The following RNF14 variants were observed in gnomAD, a reference collection of about 807,000 sequenced individuals.
RNF14 encodes the protein ring finger protein 14, also known as E3 ubiquitin-protein ligase RNF14.
Under a neutral mutation model 52.6 loss-of-function variants are expected in RNF14, and 26 were observed. That is an observed-to-expected ratio of 0.49 (90% confidence interval 0.36 to 0.69). The LOEUF (loss-of-function observed/expected upper bound fraction) is 0.69. RNF14 is among the 30% of genes least tolerant of loss of function. The pLI is 0.00. For missense variants in RNF14, 404 were observed against 560.4 expected, an observed-to-expected ratio of 0.72 and a Z score of 2.82; for synonymous variants, 194 against 202.0, an observed-to-expected ratio of 0.96 and a Z score of 0.34.
upstream of RNF14, chr5:141,957,491 C>G: frequency 6.2e-7 from 1 of 1,613,748 alleles, no homozygotes; most frequent in Non-Finnish European, 8.5e-7. The surrounding 1 kb of genome is among the most constrained non-coding windows in gnomAD (Gnocchi z 4.3). Flanking sequence ...TGGATCTCCA[C>G]ATGGATCAGA....
chr5:141,971,425 G>A (rs1387625121), intron 2 of RNF14, among the ~76,000 whole-genome samples: 3 of 152,012 alleles, frequency 2.0e-5, no homozygotes, highest in African/African-American at 7.3e-5. Context: ...ATAGAGACAG[G>A]ATCTTGCTAT....
chr5:141,954,169 C>T (rs1451883356), upstream of RNF14, among the ~76,000 whole-genome samples: 1 of 152,180 alleles, frequency 6.6e-6, no homozygotes, highest in Non-Finnish European at 1.5e-5. Flanking sequence ...TTGCCCAGCT[C>T]CTAAGTGGCT....
upstream of RNF14, among the ~76,000 whole-genome samples, chr5:141,966,649 T>C (rs1475854682): frequency 1.3e-5 from 2 of 152,226 alleles, no homozygotes; most frequent in Non-Finnish European, 2.9e-5. Context: ...ACAAAACTTA[T>C]TAGAAGGCTG....
upstream of RNF14, chr5:141,955,019 C>A: frequency 1.9e-6 from 3 of 1,614,156 alleles, no homozygotes; most frequent in Non-Finnish European, 2.5e-6. This position sits in a 1 kb window ranked among gnomAD's most constrained non-coding sequence, Gnocchi z 5.5. Context: ...GGGTTCCGCT[C>A]GGCGAAGGCA....
intron 1 of RNF14, among the ~76,000 whole-genome samples, chr5:141,959,683 T>G (rs569594298): frequency 8.7e-4 from 133 of 152,294 alleles, no homozygotes; most frequent in Non-Finnish European, 1.6e-3. Flanking sequence ...CCTTTCTCTC[T>G]GGCTTTTCTT....
chr5:141,956,392 G>A, upstream of RNF14: 1 of 1,614,238 alleles, frequency 6.2e-7, no homozygotes, highest in South Asian at 1.1e-5. Flanking sequence ...GCCCAAGTCT[G>A]CATCATGAGC....
Position 141,983,306 on chromosome 5 carries a change from T to G in RNF14, c.1064-74T>G, listed in dbSNP as rs1244642563. 4 of 1,174,434 alleles carry G rather than the reference T, an allele frequency of 3.4e-6. No individual in the cohort carries two copies. The African/African-American group carries it at 6.2e-5, about 18-fold the overall frequency. The allele number at this position is 1,174,434 out of a possible 1,614,324, so 72.8% of individuals were successfully genotyped here. On this transcript the variant is annotated intron_variant, in intron 6 of 8. Coordinates refer to ENST00000394520, the MANE Select transcript of RNF14 (RefSeq NM_004290.5). Reference sequence around the variant, plus strand: ...ATAACATTATTGAATAGTCGAAGATTATAGCCATTTTTAATGATTTTTGGT... The same window carrying G: ...ATAACATTATTGAATAGTCGAAGATGATAGCCATTTTTAATGATTTTTGGT...
chr5:141,957,764 G>C (rs751849057), upstream of RNF14: 10 of 1,611,350 alleles, frequency 6.2e-6, no homozygotes, highest in Admixed American at 1.5e-4. This position sits in a 1 kb window ranked among gnomAD's most constrained non-coding sequence, Gnocchi z 4.3. Context: ...TTCACCGTGA[G>C]AGTGGTCACC....
chr5:141,953,997 C>T (rs773001535), upstream of RNF14, among the ~76,000 whole-genome samples: 1 of 152,208 alleles, frequency 6.6e-6, no homozygotes, highest in Non-Finnish European at 1.5e-5. Flanking sequence ...AAGGTTTCCC[C>T]ACTTGTGTCT....
intron 4 of RNF14, 30 bp downstream of exon 4, chr5:141,974,985 C>A (rs1754119087): frequency 1.9e-6 from 3 of 1,604,290 alleles, no homozygotes; most frequent in Non-Finnish European, 2.6e-6. Context: ...TTTTCCTATC[C>A]ATTTTTAGAA....
chr5:141,979,384 G>T (rs1754559923), intron 5 of RNF14, among the ~76,000 whole-genome samples: 1 of 152,070 alleles, frequency 6.6e-6, no homozygotes, highest in South Asian at 2.1e-4. Context: ...AAGTAGCTGG[G>T]ATTACAGGCA....
At chr5:141,956,699 G>A (rs164075), upstream of RNF14, 55 of 1,614,072 alleles carry the variant, frequency 3.4e-5, no homozygotes, top group Admixed American at 8.7e-4. Context: ...AAACCATTGT[G>A]TCCTGAATCC....
chr5:141,987,883 T>G lies in RNF14; in HGVS notation c.*93T>G, dbSNP rs1755386620. On this transcript the variant is annotated 3_prime_UTR_variant, in exon 9 of 9. Transcript: ENST00000394520. ...CTTTGCGGGATATTTAGGGTACTAT[T>G]CATTCACTCTTCCTGCGTAGAAGAT... The G allele has an allele frequency of 8.8e-7, 1 of 1,132,944 alleles. No homozygotes were observed. The highest frequency in any genetic ancestry group is 1.3e-6 in the Non-Finnish European group (1 of 745,760). The allele number at this position is 1,132,944 out of a possible 1,614,324, so 70.2% of individuals were successfully genotyped here.
At chr5:141,954,041 C>G (rs1363545899), upstream of RNF14, among the ~76,000 whole-genome samples, 3 of 152,214 alleles carry the variant, frequency 2.0e-5, no homozygotes, top group Non-Finnish European at 4.4e-5. Context: ...TTTTGACACT[C>G]ATCATCCCAT....
chr5:141,957,612 G>A, upstream of RNF14: 1 of 1,614,192 alleles, frequency 6.2e-7, no homozygotes, highest in Non-Finnish European at 8.5e-7. This position sits in a 1 kb window ranked among gnomAD's most constrained non-coding sequence, Gnocchi z 4.3. Flanking sequence ...CTTCCTCAGA[G>A]TCCACCTGAA....
chr5:141,955,184 G>A (rs1213978918), upstream of RNF14: 2 of 1,614,224 alleles, frequency 1.2e-6, no homozygotes, highest in South Asian at 2.2e-5. This position sits in a 1 kb window ranked among gnomAD's most constrained non-coding sequence, Gnocchi z 5.5. Flanking sequence ...TCTCCAGCCA[G>A]CCTCCCTGTG....
chr5:141,968,266 C>T (rs190127647), upstream of RNF14, among the ~76,000 whole-genome samples: 214 of 152,078 alleles, frequency 1.4e-3, 1 homozygote, highest in African/African-American at 4.9e-3. Context: ...CCACCATGCC[C>T]GGCTTATTTT....
At position 141,980,165 on chromosome 5, in the gene RNF14, C is replaced by T. The variant is rs376088806; in HGVS notation, c.877C>T (p.Arg293Cys). The change falls in exon 6 of 9, where the codon CGC (arginine) becomes TGC (cysteine). Residue 293 changes from arginine (R) to cysteine (C), a missense_variant. Physicochemically the swap from Arg to Cys is radical, Grantham distance 180. Coordinates refer to ENST00000394520, the MANE Select transcript of RNF14 (RefSeq NM_004290.5). ...VEAELFARYD[R>C]LLLQSSLDLM... ...AGCAGAGTTATTTGCCCGTTATGAC[C>T]GCCTTCTCCTCCAGTCCTCCTTGGA... 6.2e-6 allele frequency: 10 copies of T among 1,614,096 alleles called. No individual in the cohort carries two copies. The highest frequency in any genetic ancestry group is 5.9e-6 in the Non-Finnish European group (7 of 1,180,046).
At chr5:141,972,463 G>A (rs1753868012) in intron 2 of RNF14, among the ~76,000 whole-genome samples, 1 of 152,120 alleles carries the variant, frequency 6.6e-6, no homozygotes, top group Non-Finnish European at 1.5e-5. Flanking sequence ...GTGGGTAAAA[G>A]CCAGGGGATG....
Sources: gnomAD v4.1 joint callset for allele counts (sites outside exome capture counted in the v4.1 genomes callset) on GRCh38, gnomAD v4.1.1 for gene constraint, Gnocchi (gnomAD v3.1) non-coding constraint, MANE v1.5 for transcripts, NCBI Gene and HGNC (gene_info 2026-07-23, HGNC 2026-07-21) for gene names.